Variants in FCRL2 observed in about 807,000 individuals in gnomAD.
FCRL2 encodes the protein Fc receptor like 2, also known as Fc receptor-like protein 2.
Under a neutral mutation model 59.8 loss-of-function variants are expected in FCRL2, and 48 were observed. The observed-to-expected ratio is 0.80, with a 90% CI of 0.64 to 1.02. The LOEUF is 1.02. Ranked by LOEUF, FCRL2 falls within the 50% of genes least tolerant of loss-of-function variation. The pLI, the probability that FCRL2 is intolerant of heterozygous loss-of-function variation, is 0.00. For synonymous variants in FCRL2, 251 were observed against 229.5 expected (o/e 1.09, Z -0.85); for missense variants, 658 against 597.3 (o/e 1.10, Z -1.06).
chr1:157,748,513 T>G, intron 10 of FCRL2, 40 bp downstream of exon 10: 1 of 1,434,642 alleles, frequency 7.0e-7, no homozygotes, highest in Non-Finnish European at 9.8e-7. Context: ...CACTTTCCTG[T>G]GAATATGCAT....
intron 4 of FCRL2, chr1:157,769,628 C>G (rs150749666): frequency 5.4e-6 from 2 of 368,938 alleles, no homozygotes; most frequent in African/African-American, 2.0e-5. Flanking sequence ...GGGGTTTCAC[C>G]GTGTTAGCCA....
intron 6 of FCRL2, 28 bp from the exon 7 acceptor site, chr1:157,766,999 C>T (rs1571283097): frequency 6.3e-7 from 1 of 1,592,620 alleles, no homozygotes; most frequent in African/African-American, 1.3e-5. Flanking sequence ...TGCTTCAGCC[C>T]CAGAGGTTTA....
intron 2 of FCRL2, among the ~76,000 whole-genome samples, chr1:157,771,619 C>CTTTTGTT (rs1650029404): frequency 6.6e-6 from 1 of 152,118 alleles, no homozygotes; most frequent in Non-Finnish European, 1.5e-5. Context: ...GACAAATGTC[C>CTTTTGTT]TCCCCAGAGG....
intron 7 of FCRL2, among the ~76,000 whole-genome samples, chr1:157,751,362 G>T (rs1239940123): frequency 1.3e-5 from 2 of 152,170 alleles, no homozygotes; most frequent in African/African-American, 2.4e-5. Context: ...GGCAGAGAAA[G>T]AATTTACAAT....
chr1:157,748,458 A>G (rs1647924582), intron 10 of FCRL2, 95 bp downstream of exon 10: 1 of 502,626 alleles, frequency 2.0e-6, no homozygotes, highest in Non-Finnish European at 3.1e-6. Context: ...ATAAATAAAT[A>G]AATAAATAAA....
intron 7 of FCRL2, among the ~76,000 whole-genome samples, chr1:157,764,345 A>T (rs547036250): frequency 6.6e-6 from 1 of 152,236 alleles, no homozygotes; most frequent in African/African-American, 2.4e-5. Context: ...TTAAAGAAAA[A>T]ATAGAGCTAG....
Position 157,767,349 on chromosome 1 carries a change from A to G in FCRL2, c.1044T>C (p.Ser348=). Residue 348 remains serine, a synonymous_variant, in exon 6 of 12, where the codon TCT becomes TCC. Transcript: ENST00000361516. ...AGAGGTTGAAGGAGGCCCCTCCTCC[A>G]GAGGGGGCCGAGCTGTTCCCAAGGG... ...DVTLGNSSAP[S]GGGASFNLSL... The G allele has an allele frequency of 6.2e-7, 1 of 1,614,240 alleles. No individual in the cohort carries two copies. The highest frequency in any genetic ancestry group is 8.5e-7 in the Non-Finnish European group (1 of 1,180,042).
intron 2 of FCRL2, among the ~76,000 whole-genome samples, chr1:157,772,870 G>C (rs1650129405): frequency 6.6e-6 from 1 of 152,126 alleles, no homozygotes; most frequent in Admixed American, 6.5e-5. Context: ...GAAACTCAAA[G>C]CAAACCAGGT....
intron 7 of FCRL2, among the ~76,000 whole-genome samples, chr1:157,765,429 C>T (rs1407580782): frequency 6.6e-6 from 1 of 152,218 alleles, no homozygotes; most frequent in Non-Finnish European, 1.5e-5. Context: ...GCAATTCTCT[C>T]TAACCCATTC....
chr1:157,770,378 C>A (rs1399523713), intron 3 of FCRL2, 31 bp downstream of exon 3: 1 of 1,577,164 alleles, frequency 6.3e-7, no homozygotes, highest in South Asian at 1.1e-5. Flanking sequence ...GGTCTCTCAC[C>A]CAGCCCATCC....
intron 2 of FCRL2, 124 bp from the exon 3 acceptor site, chr1:157,770,790 A>G (rs1649955311): frequency 2.9e-6 from 3 of 1,024,254 alleles, no homozygotes; most frequent in Non-Finnish European, 4.2e-6. Flanking sequence ...GTTCCAATCC[A>G]TGCCTTAATT....
intron 7 of FCRL2, among the ~76,000 whole-genome samples, chr1:157,763,719 C>A (rs1308169329): frequency 2.0e-5 from 3 of 151,764 alleles, no homozygotes; most frequent in Admixed American, 2.0e-4. Flanking sequence ...ATACTCATAT[C>A]AGATAAAACA....
chr1:157,765,876 C>A (rs554391044), intron 7 of FCRL2, among the ~76,000 whole-genome samples: 1 of 152,308 alleles, frequency 6.6e-6, no homozygotes, highest in East Asian at 1.9e-4. Context: ...AAATGTATTG[C>A]AGCTTCATTA....
chr1:157,767,138 C>A, intron 6 of FCRL2, 93 bp downstream of exon 6: 1 of 1,469,948 alleles, frequency 6.8e-7, no homozygotes, highest in Non-Finnish European at 9.2e-7. Flanking sequence ...ACACTGAGAT[C>A]ACCTTCCCCC....
chr1:157,757,707 A>G (rs1195259864), intron 7 of FCRL2, among the ~76,000 whole-genome samples: 2 of 152,240 alleles, frequency 1.3e-5, no homozygotes, highest in Non-Finnish European at 2.9e-5. Flanking sequence ...TTACACCTGT[A>G]ATCCCAGCAC....
chr1:157,771,890 A>G (rs77724427), intron 2 of FCRL2, among the ~76,000 whole-genome samples: 2,188 of 152,194 alleles, frequency 0.014, 48 homozygotes, highest in African/African-American at 0.05. Context: ...CTCATAAAAT[A>G]CTACTGCAGA....
At chr1:157,756,721 A>G (rs1189709943) in intron 7 of FCRL2, among the ~76,000 whole-genome samples, 1 of 151,534 alleles carries the variant, frequency 6.6e-6, no homozygotes, top group African/African-American at 2.4e-5. Context: ...GGTCAAAGCC[A>G]TGACCTGAGA....
At chr1:157,750,232 A>G (rs1360891456) in intron 7 of FCRL2, among the ~76,000 whole-genome samples, 1 of 152,238 alleles carries the variant, frequency 6.6e-6, no homozygotes, top group African/African-American at 2.4e-5. Flanking sequence ...GTATATTAGC[A>G]TAGATGTATC....
chr1:157,771,846 G>A (rs991672085), intron 2 of FCRL2, among the ~76,000 whole-genome samples: 3 of 152,018 alleles, frequency 2.0e-5, no homozygotes, highest in Middle Eastern at 3.2e-3. Flanking sequence ...GTAGTAGAAG[G>A]AAGCAGAAGT....
Sources: gnomAD v4.1 joint callset for allele counts (sites outside exome capture counted in the v4.1 genomes callset) on GRCh38, gnomAD v4.1.1 for gene constraint, MANE v1.5 for transcripts, NCBI Gene and HGNC (gene_info 2026-07-23, HGNC 2026-07-21) for gene names.